The following TMEM14C variants were observed in gnomAD, a reference collection of about 807,000 sequenced individuals.
TMEM14C encodes the protein transmembrane protein 14C, also known as chromosome 6 open reading frame 53.
A neutral mutation model predicts 14.8 loss-of-function variants in TMEM14C; 13 were observed. The ratio of observed to expected loss-of-function variants is 0.88; its 90% CI spans 0.57 to 1.40. The LOEUF is 1.40. TMEM14C is among the 40% of genes most tolerant of loss of function. TMEM14C has a pLI of 0.00. For synonymous variants in TMEM14C, 57 were observed against 51.3 expected, an observed-to-expected ratio of 1.11 and a Z score of -0.48; for missense variants, 142 against 138.8, an observed-to-expected ratio of 1.02 and a Z score of -0.12.
Position 10,725,979 on chromosome 6 carries a change from A to T in TMEM14C, c.170A>T (p.Gln57Leu), listed in dbSNP as rs1453355893. The change falls in exon 4 of 6, where the codon CAG (glutamine) becomes CTG (leucine). Residue 57 changes from glutamine (Q) to leucine (L), a missense_variant. By Grantham distance (113) the Gln-to-Leu change is moderately radical. Transcript: ENST00000229563. ...LAGLGAYQLSQDPRNVWVFLA... is the reference protein window; with the variant it reads ...LAGLGAYQLSLDPRNVWVFLA... The stretch of plus-strand genomic sequence containing the variant: ...GGCCTGGGTGCTTACCAGCTGTCTC[A>T]GGATCCAAGGAACGTTTGGGTTTTC... 4.3e-6 allele frequency: 7 copies of T among 1,614,130 alleles called. No individual in the cohort carries two copies. The highest frequency in any genetic ancestry group is 5.1e-6 in the Non-Finnish European group (6 of 1,180,002).
intron 5 of TMEM14C, 89 bp downstream of exon 5, chr6:10,728,816 G>C: frequency 6.3e-7 from 1 of 1,592,422 alleles, no homozygotes; most frequent in Non-Finnish European, 8.6e-7. Flanking sequence ...ACTTGTTTCA[G>C]GATATCTGAT....
chr6:10,724,787 C>T (rs1770806606), intron 2 of TMEM14C, among the ~76,000 whole-genome samples, 154 bp downstream of exon 2: 1 of 152,176 alleles, frequency 6.6e-6, no homozygotes. Context: ...GGGTTTGAGT[C>T]CCAGCTCTGG....
At chr6:10,728,904 G>A (rs1207477424) in intron 5 of TMEM14C, 177 bp downstream of exon 5, 2 of 1,430,328 alleles carry the variant, frequency 1.4e-6, no homozygotes, top group East Asian at 2.5e-5. Context: ...ATGTCAAAAT[G>A]GCATGAGTAT....
chr6:10,725,057 T>A lies in TMEM14C; in HGVS notation c.97+20T>A. 1 of 1,613,730 alleles carries A rather than the reference T, an allele frequency of 6.2e-7. No individual in the cohort carries two copies. The highest frequency in any genetic ancestry group is 8.5e-7 in the Non-Finnish European group (1 of 1,179,664). ...AAGCAGGTAGGGTTTTGTTGTTACT[T>A]AGCCTCTTAACATCTTCACGTTGTC... On this transcript the variant is annotated intron_variant, in intron 3 of 5. Transcript: ENST00000229563.
chr6:10,724,242 G>A (rs1561903493), intron 1 of TMEM14C, among the ~76,000 whole-genome samples: 1 of 152,220 alleles, frequency 6.6e-6, no homozygotes, highest in African/African-American at 2.4e-5. Flanking sequence ...GATAACATGG[G>A]TAGCTGATGA....
rs575625618 is a variant in TMEM14C at position 10,723,568 on chromosome 6, C to T, written c.-45+327C>T. On this transcript the variant is annotated intron_variant, in intron 1 of 5. Coordinates refer to ENST00000229563, the MANE Select transcript of TMEM14C (RefSeq NM_016462.4). ...TGGGCAAGATCCCAAGCCCGCTGCC[C>T]TTCCCTGTTTTATGGAAACTTAATT... 2.0e-5 allele frequency among the ~76,000 whole-genome samples: 3 copies of T among 150,920 alleles called. No individual in the cohort carries two copies. In the East Asian group the frequency reaches 5.8e-4, roughly 29 times the overall value.
chr6:10,728,871 T>C, intron 5 of TMEM14C, 144 bp downstream of exon 5: 1 of 1,521,232 alleles, frequency 6.6e-7, no homozygotes, highest in Non-Finnish European at 8.8e-7. Flanking sequence ...ATAGGAAATG[T>C]TTCAAAAACA....
intron 5 of TMEM14C, among the ~76,000 whole-genome samples, chr6:10,729,007 G>T (rs940741408): frequency 3.3e-5 from 5 of 152,214 alleles, no homozygotes; most frequent in African/African-American, 9.6e-5. Flanking sequence ...TTAGTGCAAA[G>T]CCATGACTGC....
At chr6:10,727,258 C>T (rs146239098) in intron 4 of TMEM14C, among the ~76,000 whole-genome samples, 155 of 152,186 alleles carry the variant, frequency 1.0e-3, no homozygotes, top group African/African-American at 3.4e-3. Flanking sequence ...TTACACTGGC[C>T]AGGATCCTGT....
At chr6:10,727,753 G>A (rs1016407936) in intron 4 of TMEM14C, among the ~76,000 whole-genome samples, 8 of 151,966 alleles carry the variant, frequency 5.3e-5, no homozygotes, top group African/African-American at 1.9e-4. Context: ...CCCAGGAGGT[G>A]GAGGTTGCAG....
At chr6:10,729,291 A>G (rs1770962151) in intron 5 of TMEM14C, among the ~76,000 whole-genome samples, 1 of 151,840 alleles carries the variant, frequency 6.6e-6, no homozygotes, top group African/African-American at 2.4e-5. Context: ...GTGCACCACC[A>G]TGCCCAGCTA....
intron 3 of TMEM14C, 62 bp downstream of exon 3, chr6:10,725,099 G>A: frequency 6.3e-7 from 1 of 1,594,504 alleles, no homozygotes; most frequent in Non-Finnish European, 8.6e-7. Flanking sequence ...AAATGTGAAT[G>A]CCCGTGTCCC....
At chr6:10,723,478 G>A (rs1475672222) in intron 1 of TMEM14C, among the ~76,000 whole-genome samples, 1 of 152,048 alleles carries the variant, frequency 6.6e-6, no homozygotes, top group African/African-American at 2.4e-5. Context: ...TCGTTTCTTG[G>A]TGATTTTCTT....
chr6:10,724,834 A>G (rs1770807698), intron 2 of TMEM14C, 127 bp from the exon 3 acceptor site: 6 of 1,369,430 alleles, frequency 4.4e-6, no homozygotes, highest in Admixed American at 3.5e-5. Flanking sequence ...AAGTCATCCA[A>G]CCTCTGTGGT....
At chr6:10,727,650 G>C (rs757050483) in intron 4 of TMEM14C, among the ~76,000 whole-genome samples, 1 of 151,860 alleles carries the variant, frequency 6.6e-6, no homozygotes, top group Non-Finnish European at 1.5e-5. Flanking sequence ...GGTGAAACCC[G>C]GTCTCTAATT....
chr6:10,728,196 A>G (rs928262545), intron 4 of TMEM14C, among the ~76,000 whole-genome samples: 7 of 152,212 alleles, frequency 4.6e-5, no homozygotes, highest in Non-Finnish European at 8.8e-5. Flanking sequence ...GAAGCACTGT[A>G]AAAGGGCAAA....
At chr6:10,723,350 C>A (rs1364745707) in intron 1 of TMEM14C, 109 bp downstream of exon 1, 1 of 152,376 alleles carries the variant, frequency 6.6e-6, no homozygotes, top group Admixed American at 6.5e-5. Flanking sequence ...AGCGGGCCTT[C>A]AGGCCGTGTG....
At chr6:10,726,712 T>C (rs1221247457) in intron 4 of TMEM14C, among the ~76,000 whole-genome samples, 4 of 152,018 alleles carry the variant, frequency 2.6e-5, no homozygotes, top group Non-Finnish European at 5.9e-5. Context: ...AACATAGGCA[T>C]AGAAGCAGGA....
intron 1 of TMEM14C, among the ~76,000 whole-genome samples, chr6:10,724,184 T>TA (rs942132847): frequency 2.6e-5 from 4 of 152,178 alleles, no homozygotes; most frequent in Non-Finnish European, 5.9e-5. Flanking sequence ...AAAGAGACAT[T>TA]AAAGTAGTTG....
Sources: gnomAD v4.1 joint callset for allele counts (sites outside exome capture counted in the v4.1 genomes callset) on GRCh38, gnomAD v4.1.1 for gene constraint, MANE v1.5 for transcripts, NCBI Gene and HGNC (gene_info 2026-07-23, HGNC 2026-07-21) for gene names.